CDH12: variants seen among roughly 807,000 people sequenced by gnomAD.
CDH12 encodes cadherin-12.
CDH12 carries 41 observed loss-of-function variants against 74.1 expected under a neutral mutation model. The observed-to-expected ratio is 0.55, with a 90% CI of 0.43 to 0.72. The LOEUF (loss-of-function observed/expected upper bound fraction) is 0.72, where lower values mean the gene tolerates loss of function less well. Among genes scored for constraint, CDH12 ranks in the 30% least tolerant of loss-of-function variants. The probability of loss-of-function intolerance (pLI) is 0.00; values close to 1 mark genes in which losing one functional copy is unlikely to be tolerated. For missense variants in CDH12, 945 were observed against 977.2 expected, an observed-to-expected ratio of 0.97 and a Z score of 0.44; for synonymous variants, 399 against 355.0, an observed-to-expected ratio of 1.12 and a Z score of -1.39.
intron 1 of CDH12, among the ~76,000 whole-genome samples, chr5:22,831,728 C>T (rs1402069156): frequency 6.6e-6 from 1 of 151,706 alleles, no homozygotes. Flanking sequence ...AACCCCGTCT[C>T]GACTAAAAAT....
chr5:21,929,380 T>C (rs1367627047), intron 6 of CDH12, among the ~76,000 whole-genome samples: 1 of 151,216 alleles, frequency 6.6e-6, no homozygotes, highest in East Asian at 1.9e-4. Context: ...TCTGGGGTGA[T>C]GGGAGACAGT....
intron 5 of CDH12, among the ~76,000 whole-genome samples, chr5:21,994,880 G>A (rs1359847065): frequency 2.0e-5 from 3 of 152,158 alleles, no homozygotes; most frequent in Non-Finnish European, 4.4e-5. Context: ...TCAGCAGGAT[G>A]TGGGCAGGGC....
chr5:22,597,545 T>A (rs908021024), intron 1 of CDH12, among the ~76,000 whole-genome samples: 20 of 152,182 alleles, frequency 1.3e-4, no homozygotes, highest in Non-Finnish European at 2.4e-4. Flanking sequence ...TCATTATTCA[T>A]ACCTCAACTC....
At chr5:22,285,346 T>C (rs2150409766) in intron 3 of CDH12, among the ~76,000 whole-genome samples, 2 of 152,296 alleles carry the variant, frequency 1.3e-5, no homozygotes, top group South Asian at 4.1e-4. Flanking sequence ...ATATTTGCTC[T>C]TAGTTCCCAG....
intron 8 of CDH12, among the ~76,000 whole-genome samples, 184 bp downstream of exon 8, chr5:21,841,977 C>G (rs553352083): frequency 1.3e-5 from 2 of 150,474 alleles, no homozygotes; most frequent in Non-Finnish European, 3.0e-5. Flanking sequence ...CCTGCACATT[C>G]TGCACATGTA....
rs985845774 is a variant in CDH12 at position 22,022,582 on chromosome 5, A to C, written c.232-47197T>G. 2.6e-5 allele frequency among the ~76,000 whole-genome samples: 4 copies of C among 152,200 alleles called. No homozygotes were observed. In the South Asian group the frequency reaches 6.2e-4, roughly 24 times the overall value. On this transcript the variant is annotated intron_variant, in intron 5 of 14. Coordinates refer to ENST00000382254, the MANE Select transcript of CDH12 (RefSeq NM_004061.5). ...AGCTGATTATATCATGGACGAAATAATAGAGCACAGTATTGGATTTGATTA... is the reference window on the plus strand; with the variant it reads ...AGCTGATTATATCATGGACGAAATACTAGAGCACAGTATTGGATTTGATTA...
At chr5:21,990,418 AAATTACTG>A (rs1323933931) in intron 5 of CDH12, among the ~76,000 whole-genome samples, 1 of 152,122 alleles carries the variant, frequency 6.6e-6, no homozygotes, top group Non-Finnish European at 1.5e-5. Context: ...GTTATTGTGT[AAATTACTG>A]AATTTCTTCA....
intron 6 of CDH12, among the ~76,000 whole-genome samples, chr5:21,936,927 T>C (rs1755099423): frequency 6.6e-6 from 1 of 152,236 alleles, no homozygotes; most frequent in Admixed American, 6.5e-5. Flanking sequence ...AGTTTACTTA[T>C]AAGTTCAGCC....
intron 8 of CDH12, among the ~76,000 whole-genome samples, chr5:21,833,568 T>C (rs758750289): frequency 1.5e-5 from 2 of 136,686 alleles, no homozygotes; most frequent in Non-Finnish European, 3.1e-5. Context: ...ATGGCATATA[T>C]TATATGTAAT....
intron 1 of CDH12, among the ~76,000 whole-genome samples, chr5:22,556,346 G>GT (rs1008681240): frequency 2.0e-5 from 3 of 152,108 alleles, no homozygotes; most frequent in African/African-American, 4.8e-5. Context: ...TGTGATACTT[G>GT]TTTTTTTGGA....
intron 6 of CDH12, among the ~76,000 whole-genome samples, chr5:21,939,466 TTTTTA>T (rs1228132451): frequency 5.9e-5 from 9 of 151,910 alleles, no homozygotes; most frequent in Non-Finnish European, 1.2e-4. Context: ...TTTAACATGC[TTTTTA>T]TTTTGTCAAT....
chr5:22,187,891 A>T (rs1474226229), intron 4 of CDH12, among the ~76,000 whole-genome samples: 3 of 152,348 alleles, frequency 2.0e-5, no homozygotes, highest in African/African-American at 4.8e-5. Flanking sequence ...TGCAGGTGGA[A>T]TACAACTGAA....
chr5:22,681,171 C>T (rs1041589765), intron 1 of CDH12, among the ~76,000 whole-genome samples: 32 of 150,230 alleles, frequency 2.1e-4, no homozygotes, highest in African/African-American at 6.4e-4. Context: ...TGAAATTATA[C>T]GTTTTTGTAC....
At chr5:21,962,416 T>A (rs1756399098) in intron 6 of CDH12, among the ~76,000 whole-genome samples, 1 of 152,214 alleles carries the variant, frequency 6.6e-6, no homozygotes, top group Non-Finnish European at 1.5e-5. Context: ...TTCAACAATG[T>A]TCATTACTGA....
At chr5:22,550,062 C>G (rs1282141834) in intron 1 of CDH12, among the ~76,000 whole-genome samples, 3 of 152,202 alleles carry the variant, frequency 2.0e-5, no homozygotes, top group Non-Finnish European at 4.4e-5. Flanking sequence ...TTAGCAACAT[C>G]TCACACACTT....
Position 22,417,586 on chromosome 5 carries a change from T to C in CDH12, c.-427-12235A>G, listed in dbSNP as rs556223990. 2.0e-5 allele frequency among the ~76,000 whole-genome samples: 3 copies of C among 152,340 alleles called. No individual in the cohort carries two copies. In the East Asian group the frequency reaches 5.8e-4, roughly 29 times the overall value. On this transcript the variant is annotated intron_variant, in intron 2 of 14. Coordinates refer to ENST00000382254, the MANE Select transcript of CDH12 (RefSeq NM_004061.5). The stretch of plus-strand genomic sequence containing the variant: ...AGAAATGCATCTTCATTCTTACAAA[T>C]ATCTAGTCTCAAGTATTTTGTTATA...
At chr5:22,220,954 T>C (rs1394547300) in intron 3 of CDH12, among the ~76,000 whole-genome samples, 4 of 151,572 alleles carry the variant, frequency 2.6e-5, no homozygotes. Flanking sequence ...TCATCTACTG[T>C]GTAGAGTTAT....
intron 6 of CDH12, among the ~76,000 whole-genome samples, chr5:21,969,749 C>T (rs1338703026): frequency 1.3e-5 from 2 of 152,082 alleles, no homozygotes; most frequent in Admixed American, 6.6e-5. Flanking sequence ...ATGTATTATG[C>T]CATAATAGAT....
intron 1 of CDH12, among the ~76,000 whole-genome samples, chr5:22,667,500 G>C (rs1193437102): frequency 6.6e-6 from 1 of 152,186 alleles, no homozygotes; most frequent in Non-Finnish European, 1.5e-5. Context: ...TGAGCAGCCT[G>C]CTGGCCTGGG....
Sources: allele counts gnomAD v4.1 joint callset (sites outside exome capture counted in the v4.1 genomes callset), GRCh38; gene constraint gnomAD v4.1.1; transcripts MANE v1.5; gene names NCBI Gene and HGNC (gene_info 2026-07-23, HGNC 2026-07-21).